Variants in SLCO1C1 observed in about 807,000 individuals in gnomAD.
SLCO1C1 encodes the protein solute carrier organic anion transporter family member 1C1.
A neutral mutation model predicts 76.4 loss-of-function variants in SLCO1C1; 70 were observed. The ratio of observed to expected loss-of-function variants is 0.92; its 90% CI spans 0.76 to 1.12. The LOEUF is 1.12. Ranked by LOEUF, SLCO1C1 falls within the 50% of genes most tolerant of loss-of-function variation. SLCO1C1 has a pLI of 0.00. For missense variants in SLCO1C1, 912 were observed against 823.8 expected (o/e 1.11, Z -1.31); for synonymous variants, 306 against 286.1 (o/e 1.07, Z -0.70).
intron 7 of SLCO1C1, among the ~76,000 whole-genome samples, chr12:20,719,100 CTATTATTAT>C (rs71039975): frequency 3.0e-4 from 44 of 145,666 alleles, no homozygotes; most frequent in African/African-American, 8.3e-4. Context: ...CAAGCTTTTA[CTATTATTAT>C]TATTATTATT....
intron 12 of SLCO1C1, among the ~76,000 whole-genome samples, chr12:20,740,781 T>A (rs1663736517): frequency 6.0e-5 from 1 of 16,802 alleles, no homozygotes. Flanking sequence ...TTAGAATTTA[T>A]TTTATTTATA....
chr12:20,699,335 T>C (rs1229380248), intron 1 of SLCO1C1, among the ~76,000 whole-genome samples: 1 of 151,898 alleles, frequency 6.6e-6, no homozygotes, highest in Non-Finnish European at 1.5e-5. Context: ...ACTGGGCAGA[T>C]TGAGAAAGAA....
chr12:20,748,530 CTCTA>C lies in SLCO1C1; in HGVS notation c.1799-2140_1799-2137del, dbSNP rs199555579. On this transcript the variant is annotated intron_variant, in intron 13 of 14. Transcript: ENST00000266509. The stretch of plus-strand genomic sequence containing the variant: ...TCAGAAATTCAACATTGATATGCTA[CTCTA>C]TCTAATATAATCCCTCATTCAAATT... 8.9e-3 allele frequency among the ~76,000 whole-genome samples: 1,353 copies of C among 152,256 alleles called. 20 individuals carry two copies. Among genetic ancestry groups the C allele is most frequent in the African/African-American group, 0.031 (1,292 of 41,542 alleles).
At chr12:20,723,894 T>C (rs1276087578) in intron 9 of SLCO1C1, among the ~76,000 whole-genome samples, 1 of 152,160 alleles carries the variant, frequency 6.6e-6, no homozygotes, top group Admixed American at 6.5e-5. Flanking sequence ...GACATATTCC[T>C]TTATGATAGG....
chr12:20,742,642 C>T (rs1347639982), intron 12 of SLCO1C1, among the ~76,000 whole-genome samples: 1 of 151,896 alleles, frequency 6.6e-6, no homozygotes, highest in Non-Finnish European at 1.5e-5. Flanking sequence ...CACGCCATTC[C>T]CCTGCCTCAG....
rs574012858 is a variant in SLCO1C1, at chr12:20,723,028, G to T, written c.1022-62G>T. 84 of 1,468,970 alleles carry T rather than the reference G, an allele frequency of 5.7e-5. No individual in the cohort carries two copies. The South Asian group carries it at 1.0e-3, about 18-fold the overall frequency. 91.0% of individuals were successfully genotyped at this position (1,468,970 alleles called of 1,614,324 possible). ...CAGCCCTGTAAGTCCTGCCAGCACGGCTACTTCTTCTTCCATGCGTGACAC... is the reference window on the plus strand; with the variant it reads ...CAGCCCTGTAAGTCCTGCCAGCACGTCTACTTCTTCTTCCATGCGTGACAC... On this transcript the variant is annotated intron_variant, in intron 8 of 14. Transcript: ENST00000266509.
rs1949343977 is a variant in SLCO1C1, at chr12:20,752,249, A to T, written c.1917-57A>T. ...TCAGTATGATATTATTACCTTTTAA[A>T]TTTTCTTTCAAGTTGGTTGTTGCAT... is the stretch of plus-strand genomic sequence containing the variant. On this transcript the variant is annotated intron_variant, in intron 14 of 14. Coordinates refer to ENST00000266509, the MANE Select transcript of SLCO1C1 (RefSeq NM_017435.5). 4 of 1,186,794 alleles carry T rather than the reference A, an allele frequency of 3.4e-6. No homozygotes were observed. In the East Asian group the frequency reaches 9.6e-5, roughly 29 times the overall value. 73.5% of individuals were successfully genotyped at this position (1,186,794 alleles called of 1,614,324 possible). A position where few individuals can be genotyped will look rare whatever the true frequency, so the allele number is the denominator to read the frequency against.
intron 6 of SLCO1C1, 63 bp downstream of exon 6, chr12:20,715,348 C>G: frequency 1.9e-6 from 3 of 1,566,494 alleles, no homozygotes; most frequent in Non-Finnish European, 1.7e-6. Flanking sequence ...TTTCTGAATT[C>G]CCCTCTATGC....
intron 4 of SLCO1C1, among the ~76,000 whole-genome samples, chr12:20,707,324 C>T (rs1946829099): frequency 6.6e-6 from 1 of 152,012 alleles, no homozygotes. Flanking sequence ...CCTGCCTACT[C>T]CCTGCTTGAT....
intron 4 of SLCO1C1, among the ~76,000 whole-genome samples, chr12:20,711,169 C>T (rs927073783): frequency 2.0e-5 from 3 of 152,158 alleles, no homozygotes; most frequent in South Asian, 2.1e-4. Flanking sequence ...ACCCACAGAC[C>T]GTGGGTAGGA....
chr12:20,750,499 G>C (rs1260887193), intron 13 of SLCO1C1, among the ~76,000 whole-genome samples, 176 bp from the exon 14 acceptor site: 4 of 152,172 alleles, frequency 2.6e-5, no homozygotes, highest in Non-Finnish European at 2.9e-5. Flanking sequence ...GCATGATTCT[G>C]GAGCTTATGA....
At chr12:20,746,392 T>C (rs1256885371) in intron 13 of SLCO1C1, among the ~76,000 whole-genome samples, 2 of 152,114 alleles carry the variant, frequency 1.3e-5, no homozygotes, top group East Asian at 3.9e-4. Flanking sequence ...TTCTATTAAC[T>C]GTATGTCAAA....
At chr12:20,745,103 C>T (rs1436643831) in intron 13 of SLCO1C1, among the ~76,000 whole-genome samples, 1 of 151,868 alleles carries the variant, frequency 6.6e-6, no homozygotes, top group African/African-American at 2.4e-5. Flanking sequence ...AAAAAAGAAA[C>T]AATGGAAGCA....
intron 9 of SLCO1C1, among the ~76,000 whole-genome samples, chr12:20,727,383 C>G (rs947979806): frequency 4.6e-5 from 7 of 152,170 alleles, no homozygotes; most frequent in African/African-American, 1.7e-4. Flanking sequence ...GACATTTTAA[C>G]AAAAGCCATT....
At chr12:20,702,302 C>T (rs1035857865) in intron 3 of SLCO1C1, among the ~76,000 whole-genome samples, 5 of 151,724 alleles carry the variant, frequency 3.3e-5, no homozygotes, top group Non-Finnish European at 2.9e-5. Flanking sequence ...TATTTCTTTT[C>T]ATACATACTA....
intron 14 of SLCO1C1, among the ~76,000 whole-genome samples, chr12:20,751,584 T>G (rs2120949413): frequency 6.6e-6 from 1 of 152,280 alleles, no homozygotes; most frequent in South Asian, 2.1e-4. Flanking sequence ...GTGAAATTTA[T>G]TTTGGTCTTT....
chr12:20,734,144 T>C (rs1030384748), intron 10 of SLCO1C1, among the ~76,000 whole-genome samples: 1 of 152,168 alleles, frequency 6.6e-6, no homozygotes, highest in Non-Finnish European at 1.5e-5. Flanking sequence ...GTCCTACTCT[T>C]GCTTCCCTGC....
At chr12:20,710,862 A>G (rs1359407042) in intron 4 of SLCO1C1, among the ~76,000 whole-genome samples, 2 of 152,062 alleles carry the variant, frequency 1.3e-5, no homozygotes, top group Non-Finnish European at 2.9e-5. Flanking sequence ...ATACTTTTTC[A>G]CCTGGGGGGA....
At chr12:20,721,461 C>CT (rs77419982) in intron 7 of SLCO1C1, among the ~76,000 whole-genome samples, 12 of 151,452 alleles carry the variant, frequency 7.9e-5, no homozygotes, top group African/African-American at 1.7e-4. Flanking sequence ...TAAGCAATAA[C>CT]TTTTTTTTTA....
Sources: allele counts gnomAD v4.1 joint callset (sites outside exome capture counted in the v4.1 genomes callset), GRCh38; gene constraint gnomAD v4.1.1; transcripts MANE v1.5; gene names NCBI Gene and HGNC (gene_info 2026-07-23, HGNC 2026-07-21).